Variants in DPP6 observed in about 807,000 individuals in gnomAD.
DPP6 encodes dipeptidyl peptidase like 6, also known as A-type potassium channel modulatory protein DPP6.
A neutral mutation model predicts 122.6 loss-of-function variants in DPP6; 69 were observed. The observed-to-expected ratio is 0.56, with a 90% CI of 0.46 to 0.69. The LOEUF (loss-of-function observed/expected upper bound fraction) is 0.69. Among genes scored for constraint, DPP6 ranks in the 30% least tolerant of loss-of-function variants. DPP6 has a pLI of 0.00. For missense variants in DPP6, 928 were observed against 1,116.9 expected (o/e 0.83, Z 2.41); for synonymous variants, 418 against 433.1 (o/e 0.97, Z 0.43).
chr7:154,398,851 G>A (rs924405205), intron 1 of DPP6, among the ~76,000 whole-genome samples: 1 of 152,114 alleles, frequency 6.6e-6, no homozygotes, highest in South Asian at 2.1e-4. Flanking sequence ...CAAGACTCAG[G>A]CACACTGAAG....
rs532316070 is a variant in DPP6, at chr7:154,062,317, T to A, written c.243+9254T>A. 3.2e-3 allele frequency among the ~76,000 whole-genome samples: 213 copies of A among 65,880 alleles called. 15 individuals carry two copies. Among genetic ancestry groups the A allele is most frequent in the African/African-American group, 0.014 (200 of 13,808 alleles). 43.2% of individuals were successfully genotyped at this position (65,880 alleles called of 152,430 possible). A position where few individuals can be genotyped will look rare whatever the true frequency, so the allele number is the denominator to read the frequency against. On this transcript the variant is annotated intron_variant, in intron 1 of 25. Coordinates refer to ENST00000377770, the MANE Select transcript of DPP6 (RefSeq NM_130797.4). The stretch of plus-strand genomic sequence containing the variant: ...TCCCCCCCGGCTCTGAGGACCCCCA[T>A]CGCAGGAGGGGGAGGCACCCCCCGC...
At chr7:154,505,129 A>G (rs1825570051) in intron 3 of DPP6, among the ~76,000 whole-genome samples, 1 of 152,152 alleles carries the variant, frequency 6.6e-6, no homozygotes, top group Non-Finnish European at 1.5e-5. Flanking sequence ...GAGACTTCCA[A>G]CTCAGATTCC....
chr7:154,134,607 CAAG>C (rs1795449393), intron 1 of DPP6, among the ~76,000 whole-genome samples: 1 of 152,164 alleles, frequency 6.6e-6, no homozygotes, highest in Non-Finnish European at 1.5e-5. Context: ...TTTTCTTCCT[CAAG>C]AAGCCTTGCA....
At chr7:154,071,017 G>T (rs1334365605) in intron 1 of DPP6, among the ~76,000 whole-genome samples, 1 of 152,134 alleles carries the variant, frequency 6.6e-6, no homozygotes, top group African/African-American at 2.4e-5. Context: ...AGCTTATCAT[G>T]TATGTGCATG....
intron 7 of DPP6, among the ~76,000 whole-genome samples, chr7:154,709,908 C>T (rs972696170): frequency 1.3e-5 from 2 of 152,206 alleles, no homozygotes; most frequent in South Asian, 4.1e-4. Flanking sequence ...GGGCCTGACA[C>T]CTGCTTTGAA....
the DPP6 span, among the ~76,000 whole-genome samples, chr7:153,851,235 TGTAAAC>T: frequency 2.5e-4 from 38 of 152,268 alleles, no homozygotes; most frequent in Non-Finnish European, 4.7e-4. Flanking sequence ...ATTTAAAAAA[TGTAAAC>T]ATAAACAATC....
intron 16 of DPP6, among the ~76,000 whole-genome samples, chr7:154,845,438 A>G (rs1333747370): frequency 6.6e-6 from 1 of 152,220 alleles, no homozygotes; most frequent in Non-Finnish European, 1.5e-5. Flanking sequence ...AACATAAAAA[A>G]CAGCAATGCC....
rs930155319 is a variant in DPP6 at position 154,880,801 on chromosome 7, G to T, written c.2079-87G>T. ...GAAGAGGGGTTTTCATCCTTGAAAT[G>T]GATGGAAAACATGGCTCTGGGCTAC... On this transcript the variant is annotated intron_variant, in intron 20 of 25. Transcript: ENST00000377770. 6.2e-6 allele frequency: 10 copies of T among 1,609,164 alleles called. No individual in the cohort carries two copies. In the African/African-American group the frequency reaches 1.3e-4, roughly 21 times the overall value.
chr7:153,794,802 C>G, the DPP6 span, among the ~76,000 whole-genome samples: 3 of 152,110 alleles, frequency 2.0e-5, 1 homozygote, highest in Non-Finnish European at 4.4e-5. Context: ...CTGGTGTTTC[C>G]CATGCTATTC....
chr7:154,588,136 G>T (rs910017253), intron 5 of DPP6: 5 of 1,562,422 alleles, frequency 3.2e-6, no homozygotes, highest in Non-Finnish European at 3.5e-6. Flanking sequence ...CACTGGTGGA[G>T]AGAGACACGC....
chr7:153,873,465 C>G, the DPP6 span, among the ~76,000 whole-genome samples: 4 of 152,022 alleles, frequency 2.6e-5, no homozygotes, highest in Non-Finnish European at 4.4e-5. Context: ...ATAATTCTAC[C>G]CTTATAATGC....
At chr7:154,091,380 A>C (rs897654752) in intron 1 of DPP6, among the ~76,000 whole-genome samples, 1 of 152,146 alleles carries the variant, frequency 6.6e-6, no homozygotes, top group Non-Finnish European at 1.5e-5. Flanking sequence ...TGTTGAGCAG[A>C]CTTATAGCTT....
At chr7:154,522,050 A>G (rs34836743) in intron 3 of DPP6, among the ~76,000 whole-genome samples, 13,115 of 151,144 alleles carry the variant, frequency 0.087, 616 homozygotes, top group Middle Eastern at 0.12. Context: ...TGCAAGCTCC[A>G]CCTCCCGGGT....
At chr7:154,855,148 G>T (rs919503277) in intron 17 of DPP6, among the ~76,000 whole-genome samples, 2 of 151,878 alleles carry the variant, frequency 1.3e-5, no homozygotes, top group Admixed American at 6.5e-5. Flanking sequence ...TTTAGACACC[G>T]TGAAGTGGTC....
chr7:154,574,429 G>GGT (rs1310856671), intron 5 of DPP6, among the ~76,000 whole-genome samples: 5,231 of 138,140 alleles, frequency 0.038, 136 homozygotes, highest in Non-Finnish European at 0.06. Context: ...GTATATGTGT[G>GGT]GTGTGTGTGT....
intron 16 of DPP6, among the ~76,000 whole-genome samples, chr7:154,845,617 C>A (rs1801884434): frequency 6.6e-6 from 1 of 152,142 alleles, no homozygotes; most frequent in African/African-American, 2.4e-5. Flanking sequence ...ACATATGGAA[C>A]AAACCTGCAC....
At chr7:154,315,702 A>G (rs1291840708) in intron 1 of DPP6, among the ~76,000 whole-genome samples, 1 of 152,076 alleles carries the variant, frequency 6.6e-6, no homozygotes, top group Non-Finnish European at 1.5e-5. Context: ...TGGGTAGGAG[A>G]TCCCAGAAGT....
At chr7:154,104,683 A>G (rs1429350801) in intron 1 of DPP6, among the ~76,000 whole-genome samples, 2 of 152,238 alleles carry the variant, frequency 1.3e-5, no homozygotes, top group Non-Finnish European at 2.9e-5. Flanking sequence ...CAAACAGCCA[A>G]TGTAAGATCA....
intron 16 of DPP6, among the ~76,000 whole-genome samples, chr7:154,812,236 A>G (rs1799106288): frequency 1.3e-5 from 2 of 152,246 alleles, no homozygotes; most frequent in Admixed American, 1.3e-4. Flanking sequence ...ACTGTTTCAT[A>G]TAGACTTCAA....
Sources: allele counts gnomAD v4.1 joint callset (sites outside exome capture counted in the v4.1 genomes callset), GRCh38; gene constraint gnomAD v4.1.1; transcripts MANE v1.5; gene names NCBI Gene and HGNC (gene_info 2026-07-23, HGNC 2026-07-21).